SMS: variants seen among roughly 807,000 people sequenced by gnomAD.
SMS encodes the protein spermine synthase.
In SMS, 3 loss-of-function variants were observed where a neutral mutation model predicts 33.0. That is an observed-to-expected ratio of 0.09 (90% CI 0.04 to 0.23). SMS has a LOEUF of 0.23. Ranked by LOEUF, SMS falls within the 10% of genes least tolerant of loss-of-function variation. The probability of loss-of-function intolerance (pLI) is 1.00; values close to 1 mark genes in which losing one functional copy is unlikely to be tolerated. For missense variants in SMS, 117 were observed against 288.6 expected, an observed-to-expected ratio of 0.41 and a Z score of 4.31; for synonymous variants, 103 against 112.2, an observed-to-expected ratio of 0.92 and a Z score of 0.52.
At chrX:21,945,731 TCTC>T (rs1448291801) in intron 1 of SMS, among the ~76,000 whole-genome samples, 1 of 101,113 alleles carries the variant, frequency 9.9e-6, no homozygotes, top group African/African-American at 3.7e-5. Flanking sequence ...TTCAAGCTAT[TCTC>T]CTGTCTCAGC....
intron 6 of SMS, among the ~76,000 whole-genome samples, chrX:21,978,388 G>A (rs939842263): frequency 1.8e-5 from 2 of 111,180 alleles, no homozygotes; most frequent in Non-Finnish European, 3.8e-5. Flanking sequence ...CAGCCTGATC[G>A]ACATGGCGAA....
At chrX:21,974,802 A>G (rs1276387833) in intron 4 of SMS, among the ~76,000 whole-genome samples, 1 of 108,438 alleles carries the variant, frequency 9.2e-6, no homozygotes, top group African/African-American at 3.4e-5. Context: ...GAAATTGGGT[A>G]TACCTTGTTG....
intron 9 of SMS, among the ~76,000 whole-genome samples, chrX:21,987,096 A>G (rs1166160185): frequency 9.3e-6 from 1 of 107,228 alleles, no homozygotes; most frequent in Non-Finnish European, 1.9e-5. Flanking sequence ...CCTGGGTTCA[A>G]GCGATTCTCC....
intron 1 of SMS, among the ~76,000 whole-genome samples, chrX:21,944,266 C>T (rs1185217131): frequency 9.0e-6 from 1 of 111,302 alleles, no homozygotes. Flanking sequence ...GCCCGAAAAA[C>T]ATTTTGTGAC....
At position 21,972,544 on chromosome X, in the gene SMS, G is replaced by A; in HGVS notation, c.302G>A (p.Ser101Asn). 1 of 1,190,676 alleles carries A rather than the reference G, an allele frequency of 8.4e-7. No individual in the cohort carries two copies. Among genetic ancestry groups the A allele is most frequent in the Admixed American group, 2.2e-5 (1 of 45,987 alleles). ...GTAGAGGAAAGAATGAAAGAATTGA[G>A]TCAGGACAGTACTGGGCGGGTGAAA... ...NKVEERMKEL[S>N]QDSTGRVKRL... The change falls in exon 4 of 11, where the codon AGT becomes AAT. Residue 101 changes from serine to asparagine, a missense_variant. Transcript: ENST00000404933.
At chrX:21,942,395 G>T (rs1192925352) in intron 1 of SMS, among the ~76,000 whole-genome samples, 2 of 109,822 alleles carry the variant, frequency 1.8e-5, no homozygotes, top group East Asian at 5.6e-4. Context: ...ACCTTTCTGA[G>T]CCTTCCCTGT....
intron 1 of SMS, among the ~76,000 whole-genome samples, chrX:21,944,544 A>G (rs866979431): frequency 1.5e-4 from 15 of 99,058 alleles, no homozygotes; most frequent in African/African-American, 4.2e-4. Flanking sequence ...AAAAAAAAAA[A>G]AGAAAAAAAA....
intron 4 of SMS, among the ~76,000 whole-genome samples, chrX:21,975,696 C>G (rs1924492442): frequency 9.0e-6 from 1 of 110,840 alleles, no homozygotes; most frequent in Admixed American, 9.7e-5. Context: ...TGAATTTGTT[C>G]ACATGGAAGG....
rs1206325712 is a variant in SMS, at chrX:21,994,650, G to A, written c.*299G>A. The A allele has an allele frequency of 2.4e-5, 20 of 843,467 alleles. No individual in the cohort carries two copies. The highest frequency in any genetic ancestry group is 2.9e-5 in the Non-Finnish European group (20 of 698,155). 69.5% of individuals were successfully genotyped at this position (843,467 alleles called of 1,213,427 possible). ...CCTTTTTATTTCTCTGTGGGCTTTT[G>A]TTTTTGTTTTTGTTTTGGTAGATCT... On this transcript the variant is annotated 3_prime_UTR_variant, in exon 11 of 11. Coordinates refer to ENST00000404933, the MANE Select transcript of SMS (RefSeq NM_004595.5).
chrX:21,973,753 A>C (rs1328842251), intron 4 of SMS, among the ~76,000 whole-genome samples: 1 of 113,391 alleles, frequency 8.8e-6, no homozygotes, highest in East Asian at 2.8e-4. Flanking sequence ...AAAATACACA[A>C]TTCAGTTCCT....
Position 21,945,472 on chromosome X carries a change from C to G in SMS, c.49+4599C>G, listed in dbSNP as rs147844103. ...GGCTACTTGGGAATTACGGGCTTAG[C>G]GGAGAAGGTTTGGGGCAGGGGGTTC... On this transcript the variant is annotated intron_variant, in intron 1 of 10. Coordinates refer to ENST00000404933, the MANE Select transcript of SMS (RefSeq NM_004595.5). Among the ~76,000 whole-genome samples the G allele has an allele frequency of 6.5e-3, 726 of 111,554 alleles. 2 individuals are homozygous for G. Among genetic ancestry groups the G allele is most frequent in the African/African-American group, 0.023 (692 of 30,660 alleles).
In SMS at chrX:21,964,110, G is replaced by C. The variant is rs5951673; in HGVS notation, c.50-3086G>C. 8.3e-3 allele frequency among the ~76,000 whole-genome samples: 874 copies of C among 104,912 alleles called. 12 individuals carry two copies. The highest frequency in any genetic ancestry group is 0.03 in the African/African-American group (849 of 27,998). 91.1% of individuals were successfully genotyped at this position (104,912 alleles called of 115,157 possible). A position where few individuals can be genotyped will look rare whatever the true frequency, so the allele number is the denominator to read the frequency against. On this transcript the variant is annotated intron_variant, in intron 1 of 10. Transcript: ENST00000404933. ...GTAGAATTCAGTCTTAAATGTTACA[G>C]TTCTGGGGATATAATTCAGACCTTC...
rs1925952242 is a variant in SMS, at chrX:21,994,420, C to T, written c.*69C>T. 107 of 1,186,523 alleles carry T rather than the reference C, an allele frequency of 9.0e-5. No homozygotes were observed. Among genetic ancestry groups the T allele is most frequent in the Non-Finnish European group, 1.2e-4 (103 of 879,250 alleles). ...GACCTCCATATGCTGTACATGACATCAAAATGAGTCAGGCAATTGATTGTG... is the reference window on the plus strand; with the variant it reads ...GACCTCCATATGCTGTACATGACATTAAAATGAGTCAGGCAATTGATTGTG... On this transcript the variant is annotated 3_prime_UTR_variant, in exon 11 of 11. Coordinates refer to ENST00000404933, the MANE Select transcript of SMS (RefSeq NM_004595.5).
chrX:21,958,920 T>C (rs1488577746), intron 1 of SMS, among the ~76,000 whole-genome samples: 2 of 113,086 alleles, frequency 1.8e-5, no homozygotes, highest in Non-Finnish European at 3.7e-5. Flanking sequence ...CCTACCGTGT[T>C]GTATGGAGCG....
intron 1 of SMS, among the ~76,000 whole-genome samples, chrX:21,952,697 G>T (rs1289607025): frequency 9.1e-6 from 1 of 109,564 alleles, no homozygotes; most frequent in African/African-American, 3.3e-5. Context: ...TTAAATGTTT[G>T]GTAGAACTCT....
chrX:21,964,956 C>T (rs138451606), intron 1 of SMS, among the ~76,000 whole-genome samples: 1 of 111,389 alleles, frequency 9.0e-6, no homozygotes, highest in East Asian at 2.8e-4. Flanking sequence ...CCCCAGAAGG[C>T]CCTAGGGGAG....
chrX:21,965,495 T>A (rs749442846), intron 1 of SMS, among the ~76,000 whole-genome samples: 1 of 103,466 alleles, frequency 9.7e-6, no homozygotes, highest in Non-Finnish European at 1.9e-5. Flanking sequence ...AAAAATTAGT[T>A]GGACATGGGC....
At chrX:21,951,423 C>T in intron 1 of SMS, among the ~76,000 whole-genome samples, 1 of 112,327 alleles carries the variant, frequency 8.9e-6, no homozygotes, top group Middle Eastern at 4.6e-3. Flanking sequence ...TTTAGCTGTG[C>T]AGAAGCTCTT....
At chrX:21,943,782 G>T (rs1569339403) in intron 1 of SMS, among the ~76,000 whole-genome samples, 1 of 111,384 alleles carries the variant, frequency 9.0e-6, no homozygotes, top group Admixed American at 9.5e-5. Context: ...ATCCACATTT[G>T]AAAAATAAAG....
Sources: gnomAD v4.1 joint callset for allele counts (sites outside exome capture counted in the v4.1 genomes callset) on GRCh38, gnomAD v4.1.1 for gene constraint, MANE v1.5 for transcripts, NCBI Gene and HGNC (gene_info 2026-07-23, HGNC 2026-07-21) for gene names.